EXT2: variants seen among roughly 807,000 people sequenced by gnomAD.
The protein encoded by EXT2 is exostosin glycosyltransferase 2.
A neutral mutation model predicts 81.6 loss-of-function variants in EXT2; 53 were observed. The observed-to-expected ratio is 0.65, with a 90% CI of 0.52 to 0.82. The LOEUF (loss-of-function observed/expected upper bound fraction) is 0.82, where lower values mean the gene tolerates loss of function less well. Among genes scored for constraint, EXT2 ranks in the 40% least tolerant of loss-of-function variants. The pLI is 0.00. For missense variants in EXT2, 774 were observed against 910.2 expected, an observed-to-expected ratio of 0.85 and a Z score of 1.93; for synonymous variants, 320 against 340.0, an observed-to-expected ratio of 0.94 and a Z score of 0.65.
rs147408795 is a variant in EXT2, at chr11:44,234,395, T to C, written c.1935+152T>C. The C allele has an allele frequency of 4.8e-4, 376 of 777,874 alleles. 3 individuals are homozygous for C. In the African/African-American group the frequency reaches 5.7e-3, roughly 12 times the overall value. The allele number at this position is 777,874 out of a possible 1,614,324, so 48.2% of individuals were successfully genotyped here. On this transcript the variant is annotated intron_variant, in intron 12 of 13. Transcript: ENST00000533608. ...AGGTTCTATGATTGATGCGGTCACA[T>C]TGGGAAATTGAAGCTAGGCTTTGAC...
At chr11:44,119,167 T>TATACAC (rs1419180564) in intron 4 of EXT2, among the ~76,000 whole-genome samples, 1 of 44,096 alleles carries the variant, frequency 2.3e-5, no homozygotes, top group African/African-American at 6.3e-5. Flanking sequence ...TATATATATA[T>TATACAC]ATACACATAC....
chr11:44,121,897 G>A lies in EXT2; in HGVS notation c.744-2892G>A, dbSNP rs1028564888. 3.9e-5 allele frequency among the ~76,000 whole-genome samples: 6 copies of A among 151,954 alleles called. No individual in the cohort carries two copies. In the East Asian group the frequency reaches 1.2e-3, roughly 29 times the overall value. ...CTGGGGCTCTGATACCCTGCGCCAG[G>A]CTACCTTACTACTCTTCTCTTAAGC... On this transcript the variant is annotated intron_variant, in intron 4 of 13. Coordinates refer to ENST00000533608, the MANE Select transcript of EXT2 (RefSeq NM_207122.2).
intron 7 of EXT2, among the ~76,000 whole-genome samples, chr11:44,165,749 G>A (rs1954986111): frequency 6.6e-6 from 1 of 152,228 alleles, no homozygotes; most frequent in South Asian, 2.1e-4. Flanking sequence ...TAGAAAAGGA[G>A]ATAAATATTC....
intron 7 of EXT2, among the ~76,000 whole-genome samples, chr11:44,149,530 C>T (rs1157452665): frequency 2.0e-5 from 3 of 152,120 alleles, no homozygotes; most frequent in Admixed American, 6.5e-5. Flanking sequence ...CTTGTAAATA[C>T]GTATTGGACC....
chr11:44,139,800 C>G (rs1954621700), intron 7 of EXT2, among the ~76,000 whole-genome samples: 1 of 152,152 alleles, frequency 6.6e-6, no homozygotes, highest in African/African-American at 2.4e-5. Flanking sequence ...TTCTTTGGCT[C>G]TTCTTTATAA....
At chr11:44,212,538 A>G (rs369881060) in intron 10 of EXT2, among the ~76,000 whole-genome samples, 221 of 152,202 alleles carry the variant, frequency 1.5e-3, no homozygotes, top group African/African-American at 5.1e-3. Flanking sequence ...CTCATACATT[A>G]CTGGTGAAAA....
intron 6 of EXT2, among the ~76,000 whole-genome samples, chr11:44,129,410 T>C: frequency 6.6e-6 from 1 of 152,240 alleles, no homozygotes; most frequent in African/African-American, 2.4e-5. Context: ...CTGCCTTCTT[T>C]ACTCTGCTCC....
At chr11:44,160,592 T>G (rs913873296) in intron 7 of EXT2, among the ~76,000 whole-genome samples, 1 of 152,160 alleles carries the variant, frequency 6.6e-6, no homozygotes, top group Non-Finnish European at 1.5e-5. Flanking sequence ...TTGCCTAGAC[T>G]AGCAGAAGCA....
intron 7 of EXT2, among the ~76,000 whole-genome samples, chr11:44,152,538 A>C (rs1377700492): frequency 2.0e-5 from 3 of 152,058 alleles, no homozygotes; most frequent in African/African-American, 7.2e-5. Context: ...TTTAGTAGAG[A>C]CGGGTTTTCA....
chr11:44,160,529 A>G (rs1019094818), intron 7 of EXT2, among the ~76,000 whole-genome samples: 4 of 152,232 alleles, frequency 2.6e-5, no homozygotes, highest in African/African-American at 7.2e-5. Flanking sequence ...GAAAAAGGGA[A>G]TACCATGAAC....
intron 12 of EXT2, among the ~76,000 whole-genome samples, chr11:44,235,101 G>GC (rs950819572): frequency 6.6e-6 from 1 of 151,842 alleles, no homozygotes; most frequent in African/African-American, 2.4e-5. Context: ...CACCAAACTT[G>GC]CCCCAGTTCA....
intron 10 of EXT2, among the ~76,000 whole-genome samples, chr11:44,218,507 G>C (rs1955744866): frequency 6.6e-6 from 1 of 152,136 alleles, no homozygotes; most frequent in African/African-American, 2.4e-5. Context: ...GAAGTATATG[G>C]TAAAAGCCAT....
At chr11:44,192,989 T>C (rs1199777917) in intron 8 of EXT2, among the ~76,000 whole-genome samples, 7 of 152,222 alleles carry the variant, frequency 4.6e-5, no homozygotes, top group Non-Finnish European at 4.4e-5. Context: ...TTTAACTTAC[T>C]TCTTTAAAAA....
chr11:44,178,476 A>G (rs752670877), intron 8 of EXT2, among the ~76,000 whole-genome samples: 1 of 152,182 alleles, frequency 6.6e-6, no homozygotes, highest in Admixed American at 6.5e-5. Context: ...TCTCAGCTAC[A>G]TGAAAAACTC....
intron 7 of EXT2, among the ~76,000 whole-genome samples, chr11:44,166,658 G>C (rs985113117): frequency 2.0e-5 from 3 of 152,198 alleles, no homozygotes; most frequent in Non-Finnish European, 4.4e-5. Flanking sequence ...AGCACATCTA[G>C]ACTAGAAAGT....
At chr11:44,176,620 A>G (rs1955161817) in intron 8 of EXT2, among the ~76,000 whole-genome samples, 1 of 152,136 alleles carries the variant, frequency 6.6e-6, no homozygotes, top group African/African-American at 2.4e-5. Context: ...CTGAATAGCG[A>G]TGGTTTATTT....
chr11:44,181,932 C>T (rs897361330), intron 8 of EXT2, among the ~76,000 whole-genome samples: 1 of 152,136 alleles, frequency 6.6e-6, no homozygotes, highest in Non-Finnish European at 1.5e-5. Context: ...GCAATGGGCT[C>T]CACTTAGGTT....
intron 7 of EXT2, among the ~76,000 whole-genome samples, chr11:44,159,033 T>C (rs1954893596): frequency 6.6e-6 from 1 of 151,938 alleles, no homozygotes; most frequent in South Asian, 2.1e-4. Flanking sequence ...TGTTTGATTT[T>C]CTGAAGTTTG....
chr11:44,116,587 CTT>C (rs1051583848), intron 4 of EXT2: 20 of 152,328 alleles, frequency 1.3e-4, no homozygotes, highest in African/African-American at 4.6e-4. Flanking sequence ...CTGCCAAACT[CTT>C]TTCCAAAGCG....
Sources: allele counts gnomAD v4.1 joint callset (sites outside exome capture counted in the v4.1 genomes callset), GRCh38; gene constraint gnomAD v4.1.1; transcripts MANE v1.5; gene names NCBI Gene and HGNC (gene_info 2026-07-23, HGNC 2026-07-21).